Variants in LMNA observed in about 807,000 individuals in gnomAD.
LMNA encodes lamin.
In LMNA, 20 loss-of-function variants were observed where a neutral mutation model predicts 70.4. The ratio of observed to expected loss-of-function variants is 0.28; its 90% CI spans 0.20 to 0.41. The LOEUF is 0.41. LMNA is among the 10% of genes least tolerant of loss of function. The probability of loss-of-function intolerance (pLI) is 1.00; values close to 1 mark genes in which losing one functional copy is unlikely to be tolerated. For synonymous variants in LMNA, 339 were observed against 372.8 expected (o/e 0.91, Z 1.04); for missense variants, 652 against 917.2 (o/e 0.71, Z 3.73).
intron 2 of LMNA, among the ~76,000 whole-genome samples, chr1:156,088,121 C>T (rs560742817): frequency 5.1e-4 from 78 of 152,152 alleles, no homozygotes; most frequent in African/African-American, 1.7e-3. Flanking sequence ...CCGCCCGCCT[C>T]GGCCTCCCAA....
intron 1 of LMNA, among the ~76,000 whole-genome samples, chr1:156,124,428 A>AT (rs999305247): frequency 6.6e-6 from 1 of 152,126 alleles, no homozygotes; most frequent in African/African-American, 2.4e-5. Context: ...AGCTGGGACT[A>AT]TAGGTGCCCG....
At chr1:156,091,470 C>T (rs58713698) in intron 3 of LMNA, among the ~76,000 whole-genome samples, 2 of 152,088 alleles carry the variant, frequency 1.3e-5, no homozygotes, top group Admixed American at 6.6e-5. Flanking sequence ...GGCATGGTGG[C>T]GCATACCTGT....
intron 3 of LMNA, among the ~76,000 whole-genome samples, chr1:156,109,209 T>G (rs1420418776): frequency 6.6e-6 from 1 of 152,254 alleles, no homozygotes; most frequent in Non-Finnish European, 1.5e-5. Flanking sequence ...AGCATGCCTC[T>G]GGAATCCCTC....
At chr1:156,123,690 A>G (rs2102841281) in intron 1 of LMNA, among the ~76,000 whole-genome samples, 1 of 152,178 alleles carries the variant, frequency 6.6e-6, no homozygotes, top group Admixed American at 6.5e-5. Flanking sequence ...TGATTTCTAG[A>G]GAGAGAGGCC....
chr1:156,093,298 A>AGTTT (rs1399858052), intron 3 of LMNA, among the ~76,000 whole-genome samples: 1 of 137,224 alleles, frequency 7.3e-6, no homozygotes, highest in Non-Finnish European at 1.5e-5. Context: ...TTTATATGTC[A>AGTTT]ATTTTTTTTT....
In LMNA at chr1:156,123,567, G is replaced by A. The variant is rs535700073; in HGVS notation, c.357-7050G>A. Among the ~76,000 whole-genome samples, 42 of 151,614 alleles carry A rather than the reference G, an allele frequency of 2.8e-4. 1 individual carries two copies. In the South Asian group the frequency reaches 8.6e-3, roughly 31 times the overall value. On this transcript the variant is annotated intron_variant, in intron 1 of 11. Coordinates refer to ENST00000368300, the MANE Select transcript of LMNA (RefSeq NM_170707.4). The stretch of plus-strand genomic sequence containing the variant: ...CGTTTTGGTCACTGGCCTCCCTCCC[G>A]CCCCCTTCAGGACATTCTACTATCT...
chr1:156,086,416 C>CTCTCTCTCTCTT (rs1648477547), intron 2 of LMNA, among the ~76,000 whole-genome samples: 1 of 152,098 alleles, frequency 6.6e-6, no homozygotes, highest in Admixed American at 6.5e-5. Context: ...CTCTCTCTCT[C>CTCTCTCTCTCTT]TCTCTCTCTT....
Position 156,134,377 on chromosome 1 carries a change from C to T in LMNA, c.514-26C>T. ...GTTCTTGTGTTCTGTGACCCCTTTT[C>T]CTCATCTCTGCCTGCTTCCTCACAG... On this transcript the variant is annotated intron_variant, in intron 2 of 11. Transcript: ENST00000368300. The surrounding 1 kb of genome is among the most constrained non-coding windows in gnomAD (Gnocchi z 5.3). 1 of 1,613,548 alleles carries T rather than the reference C, an allele frequency of 6.2e-7. No individual in the cohort carries two copies. Among genetic ancestry groups the T allele is most frequent in the East Asian group, 2.2e-5 (1 of 44,872 alleles).
intron 2 of LMNA, among the ~76,000 whole-genome samples, chr1:156,133,805 G>C (rs56702163): frequency 0.054 from 8,149 of 152,054 alleles, 389 homozygotes; most frequent in African/African-American, 0.13. Context: ...GTACATGCTT[G>C]TTTCTGCCCT....
intron 1 of LMNA, among the ~76,000 whole-genome samples, chr1:156,121,214 A>T (rs1650166706): frequency 6.6e-6 from 1 of 151,700 alleles, no homozygotes; most frequent in African/African-American, 2.4e-5. Context: ...ATGCTCGGCT[A>T]ATTTTTCTAT....
Position 156,135,758 on chromosome 1 carries a change from G to T in LMNA, c.937-143G>T, listed in dbSNP as rs778203867. 4.0e-5 allele frequency: 28 copies of T among 702,116 alleles called. No homozygotes were observed. Among genetic ancestry groups the T allele is most frequent in the Non-Finnish European group, 6.9e-5 (28 of 405,862 alleles). 43.5% of individuals were successfully genotyped at this position (702,116 alleles called of 1,614,324 possible). A position where few individuals can be genotyped will look rare whatever the true frequency, so the allele number is the denominator to read the frequency against. ...ATGTTTAGAGCTTGTGATGTTCAGAGCTGGCTCTGATGAGGGCTCTGGGGA... is the reference window on the plus strand; with the variant it reads ...ATGTTTAGAGCTTGTGATGTTCAGATCTGGCTCTGATGAGGGCTCTGGGGA... On this transcript the variant is annotated intron_variant, in intron 5 of 11. Transcript: ENST00000368300. This position sits in a 1 kb window ranked among gnomAD's most constrained non-coding sequence, Gnocchi z 4.8.
chr1:156,099,194 A>T (rs1025473476), intron 3 of LMNA, among the ~76,000 whole-genome samples: 1 of 152,076 alleles, frequency 6.6e-6, no homozygotes, highest in Non-Finnish European at 1.5e-5. Context: ...TTAGTTCCTT[A>T]GCTCCTAGGA....
Position 156,114,980 on chromosome 1 carries a change from T to C in LMNA, c.62T>C (p.Leu21Pro), listed in dbSNP as rs1649704361. The C allele has an allele frequency of 6.3e-7, 1 of 1,595,274 alleles. No individual in the cohort carries two copies. Among genetic ancestry groups the C allele is most frequent in the Non-Finnish European group, 8.5e-7 (1 of 1,171,422 alleles). ...RSGAQASSTP[L>P]SPTRITRLQE... ...GGGGCGCAGGCCAGCTCCACTCCGC[T>C]GTCGCCCACCCGCATCACCCGGCTG... is the stretch of plus-strand genomic sequence containing the variant. The change falls in exon 1 of 12, where the codon CTG becomes CCG. Residue 21 changes from leucine to proline, a missense_variant. This residue lies in a region of LMNA where 254 missense variants were observed against 421.9 expected (regional missense o/e 0.60). Transcript: ENST00000368300.
intron 1 of LMNA, among the ~76,000 whole-genome samples, chr1:156,117,641 G>A (rs1047148431): frequency 3.3e-5 from 5 of 152,094 alleles, no homozygotes; most frequent in African/African-American, 1.2e-4. Flanking sequence ...CCATCCTCCC[G>A]CCTCAGCCTC....
rs267607571 is a variant in LMNA, at chr1:156,134,458, G to A, written c.569G>A (p.Arg190Gln). The change falls in exon 3 of 12, where the codon CGG becomes CAG. Residue 190 changes from arginine to glutamine, a missense_variant. Arg to Gln is a conservative substitution (Grantham distance 43). Transcript: ENST00000368300. The surrounding 1 kb of genome is among the most constrained non-coding windows in gnomAD (Gnocchi z 5.3). ...CAACTTCAGGATGAGATGCTGCGGC[G>A]GGTGGATGCTGAGAACAGGCTGCAG... ...KKQLQDEMLR[R>Q]VDAENRLQTM... The A allele has an allele frequency of 3.1e-6, 5 of 1,614,182 alleles. No homozygotes were observed. Among genetic ancestry groups the A allele is most frequent in the Non-Finnish European group, 3.4e-6 (4 of 1,180,030 alleles).
Position 156,139,118 on chromosome 1 carries a change from C to T in LMNA, c.*12C>T. 6.2e-7 allele frequency: 1 copy of T among 1,613,634 alleles called. No homozygotes were observed. On this transcript the variant is annotated 3_prime_UTR_variant, in exon 12 of 12. Coordinates refer to ENST00000368300, the MANE Select transcript of LMNA (RefSeq NM_170707.4). ...GCAGCATCATGTAATCTGGGACCTG[C>T]CAGGCAGGGGTGGGGGTGGAGGCTT...
chr1:156,099,372 G>A (rs1346196443), intron 3 of LMNA, among the ~76,000 whole-genome samples: 1 of 152,214 alleles, frequency 6.6e-6, no homozygotes, highest in Non-Finnish European at 1.5e-5. Context: ...GGTTGAGAAT[G>A]TGGCCTTTGA....
Position 156,103,804 on chromosome 1 carries a change from C to T in LMNA, c.-206-10909C>T, listed in dbSNP as rs191240761. On this transcript the variant is annotated intron_variant, in intron 3 of 12. Coordinates refer to the LMNA transcript ENST00000368301. The surrounding 1 kb of genome is among the most constrained non-coding windows in gnomAD (Gnocchi z 4.7). ...CCCACCCTCCCTGCTCTTTATCCCT[C>T]AACGCCCTCCCCTGCCCAAGGACCA... 1.9e-3 allele frequency among the ~76,000 whole-genome samples: 291 copies of T among 152,258 alleles called. 1 individual carries two copies. The highest frequency in any genetic ancestry group is 3.4e-3 in the Non-Finnish European group (234 of 67,998).
intron 3 of LMNA, among the ~76,000 whole-genome samples, chr1:156,101,916 T>C (rs1649159311): frequency 6.6e-6 from 1 of 152,084 alleles, no homozygotes. Context: ...AGAGTGAAGC[T>C]GTGTGTTGGG....
Sources: gnomAD v4.1 joint callset for allele counts (sites outside exome capture counted in the v4.1 genomes callset) on GRCh38, gnomAD v4.1.1 for gene constraint, gnomAD v4.1.1 regional missense constraint, Gnocchi (gnomAD v3.1) non-coding constraint, MANE v1.5 for transcripts, NCBI Gene and HGNC (gene_info 2026-07-23, HGNC 2026-07-21) for gene names.